The following RBFOX1 variants were observed in gnomAD, a reference collection of about 807,000 sequenced individuals.
RBFOX1 encodes RNA binding protein fox-1 homolog 1.
A neutral mutation model predicts 57.7 loss-of-function variants in RBFOX1; 8 were observed. That is an observed-to-expected ratio of 0.14 (90% CI 0.08 to 0.25). The LOEUF is 0.25. RBFOX1 is among the 10% of genes least tolerant of loss of function. The pLI is 1.00. For synonymous variants in RBFOX1, 326 were observed against 222.4 expected, an observed-to-expected ratio of 1.47 and a Z score of -4.15; for missense variants, 611 against 548.5, an observed-to-expected ratio of 1.11 and a Z score of -1.14.
At chr16:5,579,604 C>T (rs888892044) in intron 2 of RBFOX1, among the ~76,000 whole-genome samples, 12 of 152,172 alleles carry the variant, frequency 7.9e-5, no homozygotes, top group East Asian at 5.8e-4. Context: ...CTGGTGACCC[C>T]GTTTTGCTGG....
At chr16:6,274,971 C>T (rs75805882) in intron 1 of RBFOX1, among the ~76,000 whole-genome samples, 3,724 of 152,160 alleles carry the variant, frequency 0.024, 99 homozygotes, top group Non-Finnish European at 0.033. Flanking sequence ...ATACCGTGTG[C>T]TGTGAAAACT....
chr16:6,587,143 C>A lies in RBFOX1; in HGVS notation c.-63-67460C>A, dbSNP rs137887496. Among the ~76,000 whole-genome samples, 280 of 152,200 alleles carry A rather than the reference C, an allele frequency of 1.8e-3. 2 individuals carry two copies. The highest frequency in any genetic ancestry group is 6.6e-3 in the African/African-American group (275 of 41,530). On this transcript the variant is annotated intron_variant, in intron 2 of 15. Coordinates refer to ENST00000550418, the MANE Select transcript of RBFOX1 (RefSeq NM_018723.4). ...TGTTGGATTTATTCCTCTTATCTAA[C>A]TGAATTTTTTTTATCCATTGACTAA...
At chr16:7,330,236 T>G (rs542815411) in intron 4 of RBFOX1, among the ~76,000 whole-genome samples, 54 of 152,248 alleles carry the variant, frequency 3.5e-4, no homozygotes, top group Middle Eastern at 6.8e-3. Flanking sequence ...ATATAACCTA[T>G]GCACATCTTC....
intron 2 of RBFOX1, among the ~76,000 whole-genome samples, chr16:6,398,558 G>C (rs556316446): frequency 6.6e-6 from 1 of 151,744 alleles, no homozygotes; most frequent in African/African-American, 2.4e-5. Flanking sequence ...AAAACAAAGG[G>C]ACTACAGGTC....
At chr16:5,975,073 T>A (rs1416580766) in intron 4 of RBFOX1, among the ~76,000 whole-genome samples, 2 of 152,202 alleles carry the variant, frequency 1.3e-5, no homozygotes, top group African/African-American at 4.8e-5. Context: ...AAAGTTGGCC[T>A]CTTTTTTTAA....
At chr16:5,969,325 G>GTTTTTTTTTTTTTTTT (rs1392384342) in intron 4 of RBFOX1, among the ~76,000 whole-genome samples, 7 of 120,646 alleles carry the variant, frequency 5.8e-5, no homozygotes, top group African/African-American at 1.3e-4. Flanking sequence ...TTTTTTTTTG[G>GTTTTTTTTTTTTTTTT]TTTGGAAATG....
upstream of RBFOX1, among the ~76,000 whole-genome samples, chr16:6,018,089 A>G (rs1231235680): frequency 6.6e-6 from 1 of 152,100 alleles, no homozygotes. Context: ...AACAAATTAC[A>G]ACTCACTGAA....
In RBFOX1 at chr16:5,574,683, G is replaced by A. The variant is rs188137199; in HGVS notation, c.259-24219G>A. On this transcript the variant is annotated intron_variant, in intron 2 of 2. Coordinates refer to the RBFOX1 transcript ENST00000585867. The stretch of plus-strand genomic sequence containing the variant: ...TGACCTCAAGTGATCCGCCCACCTC[G>A]GCCTCCCAAAATGCGTTACATGCTT... Among the ~76,000 whole-genome samples, 413 of 152,088 alleles carry A rather than the reference G, an allele frequency of 2.7e-3. 2 individuals are homozygous for A. Among genetic ancestry groups the A allele is most frequent in the Admixed American group, 7.5e-3 (114 of 15,264 alleles).
chr16:6,575,117 C>G (rs887434799), intron 2 of RBFOX1, among the ~76,000 whole-genome samples: 1 of 151,790 alleles, frequency 6.6e-6, no homozygotes, highest in Non-Finnish European at 1.5e-5. Context: ...TGGGGTCTCC[C>G]CGCAAGGCGA....
rs1190261525 is a variant in RBFOX1 at position 6,500,876 on chromosome 16, G to GTTT, written c.-63-153704_-63-153702dup. On this transcript the variant is annotated intron_variant, in intron 2 of 15. Transcript: ENST00000550418. ...CTTTTATCTCAGCCCTTGGGGAGTA[G>GTTT]TTTTTTTTTTTTTTTTTTTTTTTTT... 3.3e-3 allele frequency among the ~76,000 whole-genome samples: 99 copies of GTTT among 30,076 alleles called. 1 individual carries two copies. Among genetic ancestry groups the GTTT allele is most frequent in the South Asian group, 0.028 (21 of 756 alleles). 19.7% of individuals were successfully genotyped at this position (30,076 alleles called of 152,430 possible). A position where few individuals can be genotyped will look rare whatever the true frequency, so the allele number is the denominator to read the frequency against.
rs180879409 is a variant in RBFOX1 at position 7,422,586 on chromosome 16, G to A, written c.28-95561G>A. On this transcript the variant is annotated intron_variant, in intron 4 of 15. Coordinates refer to ENST00000550418, the MANE Select transcript of RBFOX1 (RefSeq NM_018723.4). ...AAGTTCATAGTGCATTAACCGGATG[G>A]AGCAGTGCCTTACCCACTCAGCACG... 8.4e-3 allele frequency among the ~76,000 whole-genome samples: 1,277 copies of A among 152,220 alleles called. 11 individuals are homozygous for A. The highest frequency in any genetic ancestry group is 0.014 in the Non-Finnish European group (981 of 68,000).
intron 1 of RBFOX1, among the ~76,000 whole-genome samples, chr16:6,243,231 C>T (rs903791802): frequency 6.6e-6 from 1 of 151,834 alleles, no homozygotes; most frequent in Non-Finnish European, 1.5e-5. Context: ...GTTAGAAGTG[C>T]TTTGCTTGTT....
At chr16:5,250,237 G>C (rs770760183) in intron 1 of RBFOX1, among the ~76,000 whole-genome samples, 22 of 152,024 alleles carry the variant, frequency 1.4e-4, no homozygotes, top group Non-Finnish European at 3.1e-4. Flanking sequence ...GGGAGGGTTG[G>C]GGTATACCTT....
At chr16:5,395,770 A>G (rs952803036) in intron 1 of RBFOX1, among the ~76,000 whole-genome samples, 6 of 152,166 alleles carry the variant, frequency 3.9e-5, no homozygotes, top group East Asian at 1.9e-4. Context: ...CATTCTTTCC[A>G]CTGCTGACAG....
chr16:5,327,875 G>A (rs1215729239), intron 1 of RBFOX1, among the ~76,000 whole-genome samples: 1 of 152,330 alleles, frequency 6.6e-6, no homozygotes, highest in Non-Finnish European at 1.5e-5. Context: ...TGGTTCTGTG[G>A]TCTGGGAGGG....
intron 2 of RBFOX1, among the ~76,000 whole-genome samples, chr16:6,344,466 C>A (rs1377147461): frequency 7.7e-6 from 1 of 129,508 alleles, no homozygotes; most frequent in Non-Finnish European, 1.5e-5. Flanking sequence ...GGCACAATCT[C>A]AGCGCACTGC....
In RBFOX1 at chr16:6,250,297, A is replaced by G. The variant is rs1009557230; in HGVS notation, c.-126-66698A>G. Among the ~76,000 whole-genome samples, 3 of 152,188 alleles carry G rather than the reference A, an allele frequency of 2.0e-5. No individual in the cohort carries two copies. In the East Asian group the frequency reaches 5.8e-4, roughly 29 times the overall value. ...TATGTGTTTAATGGATGAAATATGC[A>G]GTCCACTGCTCATTAGAATGTTTAA... On this transcript the variant is annotated intron_variant, in intron 1 of 15. Transcript: ENST00000550418.
At chr16:5,467,826 A>G (rs2069000403) in intron 2 of RBFOX1, among the ~76,000 whole-genome samples, 1 of 152,244 alleles carries the variant, frequency 6.6e-6, no homozygotes, top group African/African-American at 2.4e-5. Context: ...ACGATGTTGT[A>G]TCCACTCTTC....
intron 14 of RBFOX1, among the ~76,000 whole-genome samples, chr16:7,682,154 C>CG (rs1241772765): frequency 6.6e-6 from 1 of 152,102 alleles, no homozygotes; most frequent in Non-Finnish European, 1.5e-5. Flanking sequence ...CAATAGCAAA[C>CG]GGTAGTTTTA....
Sources: gnomAD v4.1 joint callset for allele counts (sites outside exome capture counted in the v4.1 genomes callset) on GRCh38, gnomAD v4.1.1 for gene constraint, MANE v1.5 for transcripts, NCBI Gene and HGNC (gene_info 2026-07-23, HGNC 2026-07-21) for gene names.